Variants in GPR108 observed in about 807,000 individuals in gnomAD.
GPR108 encodes protein GPR108.
Under a neutral mutation model 74.3 loss-of-function variants are expected in GPR108, and 60 were observed. That is an observed-to-expected ratio of 0.81 (90% CI 0.66 to 1.00). GPR108 has a LOEUF of 1.00. Among genes scored for constraint, GPR108 ranks in the 50% least tolerant of loss-of-function variants. The pLI, the probability that GPR108 is intolerant of heterozygous loss-of-function variation, is 0.00. For synonymous variants in GPR108, 311 were observed against 292.4 expected, an observed-to-expected ratio of 1.06 and a Z score of -0.65; for missense variants, 667 against 703.3, an observed-to-expected ratio of 0.95 and a Z score of 0.58.
intron 15 of GPR108, 36 bp downstream of exon 15, chr19:6,731,437 C>T: frequency 6.6e-7 from 1 of 1,516,128 alleles, no homozygotes; most frequent in Non-Finnish European, 8.8e-7. Context: ...GGCCGGTAAT[C>T]CCCCCAAACC....
chr19:6,733,579 G>A lies in GPR108; in HGVS notation c.714C>T (p.Phe238=), dbSNP rs768205590. Residue 238 remains phenylalanine (F), a synonymous_variant, in exon 8 of 18, where the codon TTC becomes TTT. Transcript: ENST00000264080. ...NNSVPGKEHP[F]DITVMIREKN... ...CCTCCACTCCGCTCACCGTGATGTCGAATGGATGCTCCTTTCCTGGCACTG... is the reference window on the plus strand; with the variant it reads ...CCTCCACTCCGCTCACCGTGATGTCAAATGGATGCTCCTTTCCTGGCACTG... The A allele has an allele frequency of 7.2e-5, 116 of 1,613,862 alleles. No individual in the cohort carries two copies. Among genetic ancestry groups the A allele is most frequent in the Middle Eastern group, 6.6e-4 (4 of 6,084 alleles).
chr19:6,732,006 C>A lies in GPR108; in HGVS notation c.1256+19G>T. The A allele has an allele frequency of 6.2e-7, 1 of 1,613,690 alleles. No homozygotes were observed. Among genetic ancestry groups the A allele is most frequent in the Non-Finnish European group, 8.5e-7 (1 of 1,179,934 alleles). Reference sequence around the variant, plus strand: ...CATGTGCACAGGGCAGAGCCTCAGCCCGGGGGCAGGGTCCTCACCAGACTA... The same window carrying A: ...CATGTGCACAGGGCAGAGCCTCAGCACGGGGGCAGGGTCCTCACCAGACTA... On this transcript the variant is annotated intron_variant, in intron 13 of 17. Transcript: ENST00000264080.
chr19:6,733,806 T>TTGGG, intron 7 of GPR108, 39 bp downstream of exon 7: 1 of 1,610,960 alleles, frequency 6.2e-7, no homozygotes, highest in Admixed American at 1.7e-5. Context: ...TCCCGTGCTC[T>TTGGG]GGGGTGACGG....
Position 6,734,271 on chromosome 19 carries a change from C to G in GPR108, c.411G>C (p.Leu137Phe). Residue 137 changes from leucine to phenylalanine, a missense_variant, in exon 5 of 18, where the codon TTG (leucine) becomes TTC (phenylalanine). Coordinates refer to ENST00000264080, the MANE Select transcript of GPR108 (RefSeq NM_001080452.2). ...QVRKYGEQKT[L>F]FIFPGLLPEA... is the part of the protein sequence containing the mutation. Reference sequence around the variant, plus strand: ...CCGGGAGGAGCCCGGGAAAGATAAACAACGTCTTCTGCTCTCCATACTTCC... The same window carrying G: ...CCGGGAGGAGCCCGGGAAAGATAAAGAACGTCTTCTGCTCTCCATACTTCC... 2 of 1,613,906 alleles carry G rather than the reference C, an allele frequency of 1.2e-6. No homozygotes were observed. The highest frequency in any genetic ancestry group is 2.2e-5 in the South Asian group (2 of 91,082).
At chr19:6,733,421 C>T in intron 8 of GPR108, 120 bp from the exon 9 acceptor site, 7 of 1,286,274 alleles carry the variant, frequency 5.4e-6, no homozygotes, top group African/African-American at 1.5e-5. Flanking sequence ...CCACTCTGAG[C>T]CTCAGTTGGC....
chr19:6,732,933 C>G, intron 10 of GPR108, 54 bp downstream of exon 10: 1 of 1,482,716 alleles, frequency 6.7e-7, no homozygotes, highest in Non-Finnish European at 9.2e-7. Flanking sequence ...TGGGGGATGG[C>G]CCGGGTGGGC....
At chr19:6,734,401 G>T in intron 4 of GPR108, 94 bp from the exon 5 acceptor site, 1 of 1,268,932 alleles carries the variant, frequency 7.9e-7, no homozygotes, top group Non-Finnish European at 1.1e-6. Context: ...CCCTCTGCGT[G>T]TCCTCCCTGA....
In GPR108 at chr19:6,735,890, C is replaced by G. The variant is rs1312005042; in HGVS notation, c.291+18G>C. Reference sequence around the variant, plus strand: ...CCCTCCAGCCCCTTCTCCCGTCTTCCCCATGCCCTCCACTCACTGAATAGG... The same window carrying G: ...CCCTCCAGCCCCTTCTCCCGTCTTCGCCATGCCCTCCACTCACTGAATAGG... On this transcript the variant is annotated intron_variant, in intron 3 of 17. Coordinates refer to ENST00000264080, the MANE Select transcript of GPR108 (RefSeq NM_001080452.2). The G allele has an allele frequency of 6.2e-7, 1 of 1,610,154 alleles. No homozygotes were observed. The highest frequency in any genetic ancestry group is 1.1e-5 in the South Asian group (1 of 90,394).
In GPR108 at chr19:6,730,142, G is replaced by A. The variant is rs749087335; in HGVS notation, c.*170C>T. Reference sequence around the variant, plus strand: ...GGACAGGGCTGCCCAATATTTGGGGGGAGGAAGGGACTCTTCTTCCAAATG... The same window carrying A: ...GGACAGGGCTGCCCAATATTTGGGGAGAGGAAGGGACTCTTCTTCCAAATG... On this transcript the variant is annotated 3_prime_UTR_variant, in exon 18 of 18. Transcript: ENST00000264080. 4.7e-6 allele frequency: 3 copies of A among 643,618 alleles called. No homozygotes were observed. In the Admixed American group the frequency reaches 7.9e-5, roughly 17 times the overall value. 39.9% of individuals were successfully genotyped at this position (643,618 alleles called of 1,614,324 possible).
chr19:6,731,334 C>T (rs146544362), intron 15 of GPR108, 52 bp from the exon 16 acceptor site: 24 of 1,517,408 alleles, frequency 1.6e-5, no homozygotes, highest in Non-Finnish European at 2.7e-6. Flanking sequence ...CACGGGCAGG[C>T]ATGGGGCTAG....
At chr19:6,731,847 G>A (rs886243760) in intron 14 of GPR108, 44 bp downstream of exon 14, 6 of 1,604,996 alleles carry the variant, frequency 3.7e-6, no homozygotes, top group Admixed American at 1.7e-5. Context: ...GCCCGGAGGA[G>A]GAATGGGGCC....
intron 1 of GPR108, 29 bp downstream of exon 1, chr19:6,737,428 A>C (rs1281960951): frequency 6.3e-7 from 1 of 1,577,488 alleles, no homozygotes. Flanking sequence ...TGCGCCACCG[A>C]CCCCAGACCC....
rs1968538904 is a variant in GPR108, at chr19:6,734,186, C to T, written c.496G>A (p.Gly166Ser). Residue 166 changes from glycine to serine, a missense_variant, in exon 5 of 18, where the codon GGC (glycine) becomes AGC (serine). Gly to Ser is a moderately conservative substitution (Grantham distance 56, BLOSUM62 0). Coordinates refer to ENST00000264080, the MANE Select transcript of GPR108 (RefSeq NM_001080452.2). ...CTGCACAGCCAGCCTGACTCACCGCCATCCACCTTGCGGGGGACTGTGGCC... is the reference window on the plus strand; with the variant it reads ...CTGCACAGCCAGCCTGACTCACCGCTATCCACCTTGCGGGGGACTGTGGCC... ...PQATVPRKVD[G>S]GGTSAASKPK... 6.2e-7 allele frequency: 1 copy of T among 1,614,222 alleles called. No homozygotes were observed. The highest frequency in any genetic ancestry group is 8.5e-7 in the Non-Finnish European group (1 of 1,180,040).
intron 8 of GPR108, 96 bp from the exon 9 acceptor site, chr19:6,733,397 A>G (rs1327016907): frequency 2.2e-6 from 3 of 1,376,892 alleles, no homozygotes; most frequent in Non-Finnish European, 3.0e-6. Context: ...CTCACTTTCT[A>G]CTGGGCCACT....
chr19:6,734,919 C>T (rs1045812233), intron 4 of GPR108, among the ~76,000 whole-genome samples: 2 of 150,888 alleles, frequency 1.3e-5, no homozygotes, highest in Non-Finnish European at 2.9e-5. Context: ...CTTGATCTGT[C>T]GTCCAGGCTG....
chr19:6,737,241 G>C, intron 1 of GPR108: 3 of 571,980 alleles, frequency 5.2e-6, no homozygotes, highest in Non-Finnish European at 8.9e-6. Context: ...CCCCCGAAGG[G>C]AGGGGGCCGA....
chr19:6,730,856 C>A, intron 17 of GPR108, 131 bp downstream of exon 17: 1 of 1,039,936 alleles, frequency 9.6e-7, no homozygotes, highest in Non-Finnish European at 1.4e-6. Context: ...CCCTTCTCAA[C>A]AGCAGGCTCT....
chr19:6,730,932 C>T (rs1968369977), intron 17 of GPR108, 55 bp downstream of exon 17: 1 of 1,522,450 alleles, frequency 6.6e-7, no homozygotes, highest in Non-Finnish European at 9.0e-7. Flanking sequence ...GTAGAGCTGC[C>T]CACCCCCTAC....
intron 14 of GPR108, 31 bp downstream of exon 14, chr19:6,731,860 G>C: frequency 6.2e-7 from 1 of 1,609,938 alleles, no homozygotes; most frequent in South Asian, 1.1e-5. Context: ...ATGGGGCCAT[G>C]AGCAGAGGGC....
Sources: allele counts gnomAD v4.1 joint callset (sites outside exome capture counted in the v4.1 genomes callset), GRCh38; gene constraint gnomAD v4.1.1; transcripts MANE v1.5; gene names NCBI Gene and HGNC (gene_info 2026-07-23, HGNC 2026-07-21).